Variants in FARP1 observed in about 807,000 individuals in gnomAD.
FARP1 encodes the protein FERM, ARHGEF and pleckstrin domain-containing protein 1.
Under a neutral mutation model 128.8 loss-of-function variants are expected in FARP1, and 52 were observed. That is an observed-to-expected ratio of 0.40 (90% CI 0.32 to 0.51). FARP1 has a LOEUF of 0.51. Among genes scored for constraint, FARP1 ranks in the 20% least tolerant of loss-of-function variants. The probability of loss-of-function intolerance (pLI) is 0.45; values close to 1 mark genes in which losing one functional copy is unlikely to be tolerated. For missense variants in FARP1, 1,333 were observed against 1,367.9 expected, an observed-to-expected ratio of 0.97 and a Z score of 0.40; for synonymous variants, 580 against 551.8, an observed-to-expected ratio of 1.05 and a Z score of -0.72.
In FARP1 at chr13:98,446,642, CTTTGCTTTGT is replaced by C. The variant is rs769247229; in HGVS notation, c.2905-21_2905-12del. The C allele has an allele frequency of 6.2e-7, 1 of 1,612,622 alleles. No homozygotes were observed. Among genetic ancestry groups the C allele is most frequent in the South Asian group, 1.1e-5 (1 of 90,998 alleles). ...AGCAGAAGCTGACCCCGAAAAGCCA[CTTTGCTTTGT>C]TTCCCCTTTCCAGGACAATCATCCC... On this transcript the variant is annotated splice_polypyrimidine_tract_variant and intron_variant, in intron 25 of 26. Transcript: ENST00000319562.
chr13:98,244,847 T>C, intron 2 of FARP1: 1 of 1,457,912 alleles, frequency 6.9e-7, no homozygotes, highest in Admixed American at 2.5e-5. Flanking sequence ...TAGATACAGA[T>C]GTGATCTCAG....
chr13:98,340,455 C>T, intron 2 of FARP1, among the ~76,000 whole-genome samples: 1 of 151,986 alleles, frequency 6.6e-6, no homozygotes, highest in East Asian at 1.9e-4. Flanking sequence ...AGCAATTTTC[C>T]TGCCTCAGCC....
intron 1 of FARP1, among the ~76,000 whole-genome samples, chr13:98,144,200 CTCTG>C (rs1459006691): frequency 2.7e-5 from 4 of 150,088 alleles, no homozygotes; most frequent in African/African-American, 9.8e-5. Context: ...ACCCCGGAGA[CTCTG>C]TGTGTGTGTG....
chr13:98,354,652 C>T (rs1888569789), intron 3 of FARP1, among the ~76,000 whole-genome samples: 1 of 152,078 alleles, frequency 6.6e-6, no homozygotes, highest in Non-Finnish European at 1.5e-5. Flanking sequence ...AGTTCTACTC[C>T]TAAGTATTTA....
intron 2 of FARP1, among the ~76,000 whole-genome samples, chr13:98,323,266 T>G (rs1016409850): frequency 2.0e-5 from 3 of 152,198 alleles, no homozygotes; most frequent in Non-Finnish European, 4.4e-5. Flanking sequence ...AATTTTAGAT[T>G]TGTTGCCACA....
At chr13:98,356,621 T>TTTTATTTATTTATTTATTTA (rs141310849) in intron 3 of FARP1, among the ~76,000 whole-genome samples, 28 of 144,370 alleles carry the variant, frequency 1.9e-4, no homozygotes, top group Admixed American at 8.4e-4. Flanking sequence ...CCTTTTAAAA[T>TTTTATTTATTTATTTATTTA]TTTATTTATT....
Position 98,450,054 on chromosome 13 carries a change from C to T in FARP1, c.*1737C>T, listed in dbSNP as rs915628990. The T allele has an allele frequency of 2.0e-5, 3 of 151,916 alleles. No homozygotes were observed. The highest frequency in any genetic ancestry group is 4.4e-5 in the Non-Finnish European group (3 of 68,006). 9.4% of individuals were successfully genotyped at this position (151,916 alleles called of 1,614,324 possible). On this transcript the variant is annotated 3_prime_UTR_variant, in exon 27 of 27. Coordinates refer to ENST00000319562, the MANE Select transcript of FARP1 (RefSeq NM_005766.4). ...TTATTTCTGAATGATTGATTGATTC[C>T]AAACTACTTGCTGGACACTGGTGGT...
intron 2 of FARP1, among the ~76,000 whole-genome samples, chr13:98,279,194 T>G (rs1168507505): frequency 2.6e-5 from 4 of 152,192 alleles, no homozygotes; most frequent in Non-Finnish European, 4.4e-5. Context: ...AATTTCTAAG[T>G]ACAATAGAAA....
At chr13:98,157,761 CTTCTACTTAAGTA>C (rs1876592285) in intron 1 of FARP1, among the ~76,000 whole-genome samples, 1 of 152,206 alleles carries the variant, frequency 6.6e-6, no homozygotes, top group Non-Finnish European at 1.5e-5. Context: ...CTTAGAGCAA[CTTCTACTTAAGTA>C]TTTTACACAT....
intron 1 of FARP1, among the ~76,000 whole-genome samples, chr13:98,189,699 C>T (rs111974582): frequency 0.03 from 4,546 of 152,204 alleles, 216 homozygotes; most frequent in African/African-American, 0.1. Flanking sequence ...AGTCAGGCAT[C>T]GTTGAATTTT....
At chr13:98,345,489 G>A (rs1207727691) in intron 3 of FARP1, 7 of 152,166 alleles carry the variant, frequency 4.6e-5, no homozygotes, top group African/African-American at 1.4e-4. Flanking sequence ...TCTAGGTACC[G>A]GGCAGGGCTG....
chr13:98,256,965 A>ATG lies in FARP1; in HGVS notation c.171+43553_171+43554insGT, dbSNP rs1566801177. Among the ~76,000 whole-genome samples the ATG allele has an allele frequency of 4.7e-5, 6 of 127,316 alleles. 1 individual carries two copies. The highest frequency in any genetic ancestry group is 1.3e-4 in the African/African-American group (4 of 31,498). The allele number at this position is 127,316 out of a possible 152,430, so 83.5% of individuals were successfully genotyped here. A position where few individuals can be genotyped will look rare whatever the true frequency, so the allele number is the denominator to read the frequency against. ...TATATGTGGATATATATATATATAT[A>ATG]TATATATATATATATATATATATAT... is the stretch of plus-strand genomic sequence containing the variant. On this transcript the variant is annotated intron_variant, in intron 2 of 26. Coordinates refer to ENST00000319562, the MANE Select transcript of FARP1 (RefSeq NM_005766.4).
intron 1 of FARP1, among the ~76,000 whole-genome samples, chr13:98,180,688 G>T (rs185197917): frequency 5.9e-4 from 90 of 152,072 alleles, no homozygotes; most frequent in Non-Finnish European, 1.1e-3. Context: ...GTTTTCTCTG[G>T]TGTCTCTTTC....
intron 2 of FARP1, among the ~76,000 whole-genome samples, chr13:98,289,771 G>A (rs530313621): frequency 1.7e-4 from 26 of 152,056 alleles, no homozygotes; most frequent in Admixed American, 9.2e-4. Context: ...GTGTAATCCC[G>A]AGGGAATAAG....
intron 1 of FARP1, among the ~76,000 whole-genome samples, chr13:98,196,777 A>C (rs879390853): frequency 3.3e-5 from 5 of 152,160 alleles, no homozygotes; most frequent in Non-Finnish European, 5.9e-5. Context: ...ATAATCATTA[A>C]TTTCTTTAGT....
intron 2 of FARP1, among the ~76,000 whole-genome samples, chr13:98,282,397 A>G (rs1478809631): frequency 6.6e-6 from 1 of 152,216 alleles, no homozygotes; most frequent in Non-Finnish European, 1.5e-5. Flanking sequence ...AGATAGAGCA[A>G]AGTGAGCTGT....
At position 98,202,394 on chromosome 13, in the gene FARP1, G is replaced by A. The variant is rs1380317613; in HGVS notation, c.-23-10826G>A. 5.3e-5 allele frequency among the ~76,000 whole-genome samples: 8 copies of A among 152,348 alleles called. No individual in the cohort carries two copies. The East Asian group carries it at 1.5e-3, about 29-fold the overall frequency. ...TCAACATGGGGCACAGAAGTGGTTG[G>A]AGGACCCAGAACCCAGCCCTTTGGC... On this transcript the variant is annotated intron_variant, in intron 1 of 26. Coordinates refer to ENST00000319562, the MANE Select transcript of FARP1 (RefSeq NM_005766.4).
Position 98,440,562 on chromosome 13 carries a change from C to T in FARP1, c.2630-108C>T, listed in dbSNP as rs1487735016. The stretch of plus-strand genomic sequence containing the variant: ...CTCATTAGATTCTGGTTGGGCACCA[C>T]AGGTTGTGACTGCTGTGAGCCCCCC... On this transcript the variant is annotated intron_variant, in intron 23 of 26. Coordinates refer to ENST00000319562, the MANE Select transcript of FARP1 (RefSeq NM_005766.4). 4.2e-6 allele frequency: 5 copies of T among 1,177,480 alleles called. No homozygotes were observed. In the African/African-American group the frequency reaches 7.7e-5, roughly 18 times the overall value. 72.9% of individuals were successfully genotyped at this position (1,177,480 alleles called of 1,614,324 possible).
At chr13:98,200,387 ACCC>A (rs34861204) in intron 1 of FARP1, among the ~76,000 whole-genome samples, 2,497 of 127,612 alleles carry the variant, frequency 0.02, 119 homozygotes, top group African/African-American at 0.071. Flanking sequence ...TGCAACCTTC[ACCC>A]CCCCCCCCTC....
Sources: allele counts gnomAD v4.1 joint callset (sites outside exome capture counted in the v4.1 genomes callset), GRCh38; gene constraint gnomAD v4.1.1; transcripts MANE v1.5; gene names NCBI Gene and HGNC (gene_info 2026-07-23, HGNC 2026-07-21).